Variants in RAMP1 observed in about 807,000 individuals in gnomAD.
The protein encoded by RAMP1 is receptor activity modifying protein 1.
In RAMP1, 7 loss-of-function variants were observed where a neutral mutation model predicts 8.2. The ratio of observed to expected loss-of-function variants is 0.85; its 90% CI spans 0.49 to 1.60. The LOEUF (loss-of-function observed/expected upper bound fraction) is 1.60, where lower values mean the gene tolerates loss of function less well. Ranked by LOEUF, RAMP1 falls within the 40% of genes most tolerant of loss-of-function variation. The pLI is 0.00. For synonymous variants in RAMP1, 92 were observed against 84.7 expected (o/e 1.09, Z -0.47); for missense variants, 192 against 202.4 (o/e 0.95, Z 0.31).
At chr2:237,909,820 C>T (rs185786261) in intron 2 of RAMP1, among the ~76,000 whole-genome samples, 2 of 152,226 alleles carry the variant, frequency 1.3e-5, no homozygotes, top group Non-Finnish European at 2.9e-5. Flanking sequence ...TTTGCTCTCC[C>T]CAGAGAGCCC....
intron 2 of RAMP1, among the ~76,000 whole-genome samples, chr2:237,885,105 CTTCT>C (rs1190369316): frequency 6.6e-6 from 1 of 152,204 alleles, no homozygotes; most frequent in Non-Finnish European, 1.5e-5. Flanking sequence ...CTCCTGCTGC[CTTCT>C]TTGTGTCTCC....
intron 1 of RAMP1, among the ~76,000 whole-genome samples, chr2:237,866,093 G>A (rs2062184502): frequency 6.6e-6 from 1 of 151,988 alleles, no homozygotes; most frequent in Non-Finnish European, 1.5e-5. Context: ...TAACTGGTCA[G>A]GGAGGATTAC....
intron 2 of RAMP1, among the ~76,000 whole-genome samples, chr2:237,895,398 CGAG>C (rs1420681251): frequency 6.6e-6 from 1 of 152,106 alleles, no homozygotes; most frequent in Non-Finnish European, 1.5e-5. Flanking sequence ...GTGAAAACAC[CGAG>C]GCTCCGTAAC....
intron 1 of RAMP1, among the ~76,000 whole-genome samples, chr2:237,872,744 TG>T (rs755853722): frequency 1.3e-5 from 2 of 152,346 alleles, no homozygotes; most frequent in Non-Finnish European, 2.9e-5. Flanking sequence ...AGGCTAATGG[TG>T]GCCAGGCACT....
rs151216974 is a variant in RAMP1, at chr2:237,888,891, C to T, written c.191+11529C>T. ...GGTTCAAGTGATTCTCCTACCTCAGCCTCCTGAGTAGCTGGAACTACAGGC... is the reference window on the plus strand; with the variant it reads ...GGTTCAAGTGATTCTCCTACCTCAGTCTCCTGAGTAGCTGGAACTACAGGC... On this transcript the variant is annotated intron_variant, in intron 2 of 2. Coordinates refer to ENST00000254661, the MANE Select transcript of RAMP1 (RefSeq NM_005855.4). Among the ~76,000 whole-genome samples, 438 of 152,238 alleles carry T rather than the reference C, an allele frequency of 2.9e-3. 3 individuals are homozygous for T. The highest frequency in any genetic ancestry group is 9.8e-3 in the African/African-American group (405 of 41,526).
At chr2:237,890,497 G>A (rs116323857) in intron 2 of RAMP1, among the ~76,000 whole-genome samples, 205 of 152,202 alleles carry the variant, frequency 1.3e-3, no homozygotes, top group African/African-American at 4.3e-3. Context: ...CCACTGCACC[G>A]AGCCAGAAAT....
In RAMP1 at chr2:237,908,054, C is replaced by G. The variant is rs539956852; in HGVS notation, c.192-3474C>G. ...GTTATCTTCAATGTACCATAGGCCT[C>G]AAGTACCTCTAGCAATGAGCTGTCA... On this transcript the variant is annotated intron_variant, in intron 2 of 2. Coordinates refer to ENST00000254661, the MANE Select transcript of RAMP1 (RefSeq NM_005855.4). Among the ~76,000 whole-genome samples the G allele has an allele frequency of 2.0e-5, 3 of 152,326 alleles. No individual in the cohort carries two copies. In the South Asian group the frequency reaches 6.2e-4, roughly 32 times the overall value.
chr2:237,872,750 G>GGCACTGTGGCTCACGCCTGTAATCCCA (rs2062259611), intron 1 of RAMP1, among the ~76,000 whole-genome samples: 1 of 152,252 alleles, frequency 6.6e-6, no homozygotes, highest in Non-Finnish European at 1.5e-5. Flanking sequence ...ATGGTGGCCA[G>GGCACTGTGGCTCACGCCTGTAATCCCA]GCACTGTGGC....
chr2:237,894,250 C>T (rs889356123), intron 2 of RAMP1, among the ~76,000 whole-genome samples: 2 of 152,056 alleles, frequency 1.3e-5, no homozygotes, highest in Non-Finnish European at 2.9e-5. Flanking sequence ...GGATTACAGG[C>T]GTGAGCCACT....
intron 2 of RAMP1, among the ~76,000 whole-genome samples, chr2:237,909,986 C>T (rs1027695132): frequency 1.3e-5 from 2 of 152,146 alleles, no homozygotes; most frequent in Non-Finnish European, 2.9e-5. Context: ...ACCCTCTGCC[C>T]GTGCCGCCCA....
At chr2:237,879,573 T>C (rs562760780) in intron 2 of RAMP1, among the ~76,000 whole-genome samples, 6 of 133,226 alleles carry the variant, frequency 4.5e-5, no homozygotes, top group South Asian at 2.9e-4. Context: ...ATGTGCCATA[T>C]TGGTGTGCTG....
At chr2:237,898,722 T>G (rs1186196290) in intron 2 of RAMP1, among the ~76,000 whole-genome samples, 2 of 152,128 alleles carry the variant, frequency 1.3e-5, no homozygotes, top group Non-Finnish European at 2.9e-5. Context: ...CAGACGTAGG[T>G]GGGAAGCTAC....
intron 2 of RAMP1, among the ~76,000 whole-genome samples, chr2:237,882,272 C>G (rs2062377773): frequency 6.6e-6 from 1 of 152,176 alleles, no homozygotes; most frequent in Admixed American, 6.5e-5. Context: ...TCATATTGAT[C>G]TATTCTCCAG....
At chr2:237,884,452 A>G (rs1405379180) in intron 2 of RAMP1, among the ~76,000 whole-genome samples, 1 of 152,188 alleles carries the variant, frequency 6.6e-6, no homozygotes, top group African/African-American at 2.4e-5. Context: ...AACAGAGAAG[A>G]GAAGAATCTG....
intron 2 of RAMP1, among the ~76,000 whole-genome samples, chr2:237,901,474 G>A (rs528442371): frequency 2.6e-5 from 4 of 152,342 alleles, no homozygotes; most frequent in African/African-American, 4.8e-5. Context: ...ACATTTAAGC[G>A]AAGGGCGAGC....
At chr2:237,900,844 G>T (rs920313453) in intron 2 of RAMP1, among the ~76,000 whole-genome samples, 2 of 152,120 alleles carry the variant, frequency 1.3e-5, no homozygotes, top group African/African-American at 4.8e-5. Context: ...ATACTCTGGG[G>T]ATTTGATGAG....
intron 2 of RAMP1, among the ~76,000 whole-genome samples, chr2:237,889,890 T>C (rs1156344227): frequency 6.6e-6 from 1 of 152,092 alleles, no homozygotes; most frequent in African/African-American, 2.4e-5. Context: ...CCTCCCAAAG[T>C]GCTGGGATTA....
intron 2 of RAMP1, among the ~76,000 whole-genome samples, chr2:237,895,347 G>A (rs1007170038): frequency 6.6e-6 from 1 of 152,130 alleles, no homozygotes. Flanking sequence ...TTCTCACCAC[G>A]CTGCTGCTGT....
At chr2:237,887,215 C>T (rs1264140269) in intron 2 of RAMP1, among the ~76,000 whole-genome samples, 2 of 152,138 alleles carry the variant, frequency 1.3e-5, no homozygotes, top group Non-Finnish European at 2.9e-5. Flanking sequence ...CTAATGCTGA[C>T]CTTCACTCCA....
Sources: allele counts gnomAD v4.1 joint callset (sites outside exome capture counted in the v4.1 genomes callset), GRCh38; gene constraint gnomAD v4.1.1; transcripts MANE v1.5; gene names NCBI Gene and HGNC (gene_info 2026-07-23, HGNC 2026-07-21).